The following CRIM1 variants were observed in gnomAD, a reference collection of about 807,000 sequenced individuals.
The protein encoded by CRIM1 is cysteine rich transmembrane BMP regulator 1, also known as cysteine-rich motor neuron 1 protein.
A neutral mutation model predicts 116.4 loss-of-function variants in CRIM1; 32 were observed. The observed-to-expected ratio is 0.27, with a 90% CI of 0.21 to 0.37. The LOEUF (loss-of-function observed/expected upper bound fraction) is 0.37. CRIM1 is among the 10% of genes least tolerant of loss of function. The pLI is 1.00. For missense variants in CRIM1, 1,331 were observed against 1,354.8 expected, an observed-to-expected ratio of 0.98 and a Z score of 0.28; for synonymous variants, 590 against 509.2, an observed-to-expected ratio of 1.16 and a Z score of -2.13.
intron 2 of CRIM1, among the ~76,000 whole-genome samples, chr2:36,414,527 G>A (rs1314804931): frequency 1.3e-5 from 2 of 152,138 alleles, no homozygotes; most frequent in African/African-American, 2.4e-5. Context: ...AGTCTTAAGT[G>A]GCAAAAATAA....
chr2:36,411,528 T>C (rs924242829), intron 2 of CRIM1, among the ~76,000 whole-genome samples: 6 of 152,226 alleles, frequency 3.9e-5, no homozygotes, highest in Non-Finnish European at 8.8e-5. Flanking sequence ...GGAAGAACAT[T>C]GTATACAAAT....
At chr2:36,400,383 G>A (rs1454522113) in intron 2 of CRIM1, among the ~76,000 whole-genome samples, 1 of 152,148 alleles carries the variant, frequency 6.6e-6, no homozygotes, top group East Asian at 1.9e-4. Context: ...AGATAGGTGA[G>A]TCAGGATGGA....
Position 36,456,794 on chromosome 2 carries a change from A to G in CRIM1, c.870-7740A>G, listed in dbSNP as rs993271307. ...GTCTGTCTCCACCCCCCCACCACCC[A>G]CCGCTGGGGTTGAGTCCCTTCAAAA... On this transcript the variant is annotated intron_variant, in intron 4 of 16. Transcript: ENST00000280527. Among the ~76,000 whole-genome samples the G allele has an allele frequency of 1.0e-4, 15 of 147,084 alleles. No individual in the cohort carries two copies. In the South Asian group the frequency reaches 1.5e-3, roughly 15 times the overall value.
At chr2:36,548,127 C>A (rs560371986) in intron 16 of CRIM1, among the ~76,000 whole-genome samples, 3 of 152,266 alleles carry the variant, frequency 2.0e-5, no homozygotes, top group Admixed American at 6.5e-5. Flanking sequence ...ACAGGCTGGC[C>A]CAGCCTATGA....
intron 4 of CRIM1, among the ~76,000 whole-genome samples, chr2:36,456,246 G>A (rs921712679): frequency 6.6e-6 from 1 of 152,088 alleles, no homozygotes; most frequent in African/African-American, 2.4e-5. Flanking sequence ...CTTAGGGCCA[G>A]AACCCTGTGT....
chr2:36,529,031 G>C (rs769964515), intron 13 of CRIM1: 1 of 458,330 alleles, frequency 2.2e-6, no homozygotes, highest in South Asian at 1.6e-5. Flanking sequence ...TAGTCTTTAG[G>C]TGTGCTCCGC....
chr2:36,445,333 C>A (rs920073150), intron 4 of CRIM1, among the ~76,000 whole-genome samples: 5 of 152,268 alleles, frequency 3.3e-5, no homozygotes, highest in African/African-American at 1.2e-4. Flanking sequence ...CAGCAGTCAT[C>A]TCTCACAGCA....
intron 5 of CRIM1, among the ~76,000 whole-genome samples, chr2:36,471,988 G>T (rs1678562953): frequency 6.6e-6 from 1 of 152,160 alleles, no homozygotes; most frequent in African/African-American, 2.4e-5. Context: ...TAGTTTGGTA[G>T]GCAGTAGCAT....
At chr2:36,503,892 A>T (rs7598753) in intron 8 of CRIM1, among the ~76,000 whole-genome samples, 38,769 of 151,466 alleles carry the variant, frequency 0.26, 5,207 homozygotes, top group South Asian at 0.44. Flanking sequence ...TTTTTTTTAT[A>T]CAGGGTCTTG....
At chr2:36,370,827 C>T (rs182485741) in intron 1 of CRIM1, among the ~76,000 whole-genome samples, 9 of 152,194 alleles carry the variant, frequency 5.9e-5, no homozygotes, top group Admixed American at 5.2e-4. Context: ...TAGTTATTCC[C>T]CCTCTACTTC....
intron 1 of CRIM1, among the ~76,000 whole-genome samples, chr2:36,371,263 C>T (rs926966081): frequency 6.6e-6 from 1 of 152,156 alleles, no homozygotes; most frequent in Non-Finnish European, 1.5e-5. Context: ...CCCCATCCCC[C>T]ATCCCCCAGT....
chr2:36,463,393 G>C (rs1339753272), intron 4 of CRIM1, among the ~76,000 whole-genome samples: 2 of 152,178 alleles, frequency 1.3e-5, no homozygotes, highest in Admixed American at 1.3e-4. Flanking sequence ...TGTATTGATA[G>C]TTTTCCCTGC....
chr2:36,421,887 A>AC (rs1474037063), intron 2 of CRIM1, among the ~76,000 whole-genome samples: 1 of 151,934 alleles, frequency 6.6e-6, no homozygotes, highest in African/African-American at 2.4e-5. Context: ...GTAATGGCAA[A>AC]CTTTGATTTT....
chr2:36,424,587 T>C (rs958110902), intron 2 of CRIM1, among the ~76,000 whole-genome samples: 5 of 152,198 alleles, frequency 3.3e-5, no homozygotes, highest in African/African-American at 1.2e-4. Context: ...GCCACTGTGC[T>C]ACTTCACACA....
At chr2:36,513,786 G>C in intron 11 of CRIM1, 21 bp downstream of exon 11, 2 of 1,607,610 alleles carry the variant, frequency 1.2e-6, no homozygotes, top group Non-Finnish European at 1.7e-6. Flanking sequence ...GCTGCCATCT[G>C]TGTGCTCCAT....
intron 9 of CRIM1, among the ~76,000 whole-genome samples, chr2:36,512,058 C>G (rs965554771): frequency 6.6e-6 from 1 of 152,210 alleles, no homozygotes; most frequent in African/African-American, 2.4e-5. Context: ...CCTAGAAGCA[C>G]GTAAGTGCTT....
At chr2:36,534,052 A>G (rs1666308282) in intron 13 of CRIM1, among the ~76,000 whole-genome samples, 1 of 131,492 alleles carries the variant, frequency 7.6e-6, no homozygotes, top group South Asian at 2.8e-4. Flanking sequence ...GGACAGAGGG[A>G]GAAGGAAGGA....
At chr2:36,471,975 G>A (rs927715071) in intron 5 of CRIM1, among the ~76,000 whole-genome samples, 2 of 152,150 alleles carry the variant, frequency 1.3e-5, no homozygotes, top group Non-Finnish European at 2.9e-5. Context: ...CCACCAATCA[G>A]TGTAGTTTGG....
At chr2:36,409,409 T>C (rs1673049929) in intron 2 of CRIM1, among the ~76,000 whole-genome samples, 1 of 152,244 alleles carries the variant, frequency 6.6e-6, no homozygotes, top group Non-Finnish European at 1.5e-5. Context: ...GAAATTCATA[T>C]TGAATTCAAT....
Sources: gnomAD v4.1 joint callset for allele counts (sites outside exome capture counted in the v4.1 genomes callset) on GRCh38, gnomAD v4.1.1 for gene constraint, MANE v1.5 for transcripts, NCBI Gene and HGNC (gene_info 2026-07-23, HGNC 2026-07-21) for gene names.